The following ZNF793 variants were observed in gnomAD, a reference collection of about 807,000 sequenced individuals.
The protein encoded by ZNF793 is zinc finger protein 793.
Under a neutral mutation model 12.4 loss-of-function variants are expected in ZNF793, and 5 were observed. That is an observed-to-expected ratio of 0.40 (90% CI 0.21 to 0.84). The LOEUF (loss-of-function observed/expected upper bound fraction) is 0.84. Ranked by LOEUF, ZNF793 falls within the 40% of genes least tolerant of loss-of-function variation. The pLI is 0.35. For synonymous variants in ZNF793, 162 were observed against 172.4 expected, an observed-to-expected ratio of 0.94 and a Z score of 0.47; for missense variants, 456 against 495.0, an observed-to-expected ratio of 0.92 and a Z score of 0.75.
intron 5 of ZNF793, among the ~76,000 whole-genome samples, chr19:37,524,427 C>T (rs969254528): frequency 1.3e-5 from 2 of 151,986 alleles, no homozygotes; most frequent in African/African-American, 4.8e-5. Flanking sequence ...AATTTTCAGA[C>T]TTGATATTAC....
chr19:37,517,397 A>G (rs150213511), intron 2 of ZNF793, among the ~76,000 whole-genome samples: 12 of 150,728 alleles, frequency 8.0e-5, no homozygotes, highest in Non-Finnish European at 1.5e-4. Flanking sequence ...TAGAGGCTGC[A>G]GTGAGCTGAG....
At chr19:37,534,928 C>G (rs1716425319) in intron 7 of ZNF793, 1 of 152,384 alleles carries the variant, frequency 6.6e-6, no homozygotes, top group South Asian at 2.0e-4. Context: ...AAGCAGTCCA[C>G]CTGCTTTGGC....
At chr19:37,518,927 C>T (rs1443539932) in intron 2 of ZNF793, among the ~76,000 whole-genome samples, 1 of 152,096 alleles carries the variant, frequency 6.6e-6, no homozygotes, top group African/African-American at 2.4e-5. Context: ...TTCCTTGAGA[C>T]ACATTATTGG....
At chr19:37,525,799 G>A (rs898589078) in intron 5 of ZNF793, among the ~76,000 whole-genome samples, 9 of 152,204 alleles carry the variant, frequency 5.9e-5, no homozygotes, top group African/African-American at 2.2e-4. Flanking sequence ...CAAGGCAGCT[G>A]TAGCCTTGAT....
chr19:37,530,360 C>T (rs894725541), intron 5 of ZNF793, among the ~76,000 whole-genome samples: 3 of 152,138 alleles, frequency 2.0e-5, no homozygotes, highest in Non-Finnish European at 2.9e-5. Flanking sequence ...TTATGGGTGT[C>T]GGGCTGGGGG....
In ZNF793 at chr19:37,541,520, A is replaced by T. The variant is rs2042551887; in HGVS notation, c.*3641A>T. ...ATGGTGAAACCCCATCTCCACTAAA[A>T]ATACAAAAATTAGCTGGGTGTGGTG... On this transcript the variant is annotated 3_prime_UTR_variant, in exon 8 of 8. Transcript: ENST00000627814. The T allele has an allele frequency of 1.3e-5, 2 of 152,132 alleles. No individual in the cohort carries two copies. Among genetic ancestry groups the T allele is most frequent in the Admixed American group, 1.3e-4 (2 of 15,274 alleles). 9.4% of individuals were successfully genotyped at this position (152,132 alleles called of 1,614,324 possible).
chr19:37,506,677 G>A (rs1568782644), upstream of ZNF793: 1 of 152,240 alleles, frequency 6.6e-6, no homozygotes, highest in African/African-American at 2.4e-5. Flanking sequence ...TGAGTTAAGA[G>A]CAGAGACGAC....
In ZNF793 at chr19:37,540,715, C is replaced by T. The variant is rs2042546579; in HGVS notation, c.*2836C>T. The T allele has an allele frequency of 6.6e-6, 1 of 151,686 alleles. No homozygotes were observed. Among genetic ancestry groups the T allele is most frequent in the South Asian group, 2.1e-4 (1 of 4,806 alleles). The allele number at this position is 151,686 out of a possible 1,614,324, so 9.4% of individuals were successfully genotyped here. On this transcript the variant is annotated 3_prime_UTR_variant, in exon 8 of 8. Transcript: ENST00000627814. The stretch of plus-strand genomic sequence containing the variant: ...GAAAAGGTAAAACTATCCATTTTTA[C>T]TGATGATATGGTTGTACACCAATAA...
At chr19:37,525,539 C>T (rs898467274) in intron 5 of ZNF793, among the ~76,000 whole-genome samples, 1 of 150,440 alleles carries the variant, frequency 6.6e-6, no homozygotes, top group Admixed American at 6.7e-5. Context: ...CTGGTTCAAG[C>T]GATTCTCCTG....
chr19:37,531,558 C>G (rs1023253552), intron 5 of ZNF793, among the ~76,000 whole-genome samples: 4 of 152,194 alleles, frequency 2.6e-5, no homozygotes, highest in Admixed American at 1.3e-4. Context: ...CGTTTTGCCC[C>G]CCGGCCTTTG....
At chr19:37,517,771 C>A (rs554775009) in intron 2 of ZNF793, among the ~76,000 whole-genome samples, 1 of 150,788 alleles carries the variant, frequency 6.6e-6, no homozygotes, top group South Asian at 2.1e-4. Context: ...TTTTTTTTTT[C>A]TATTTCTATC....
chr19:37,518,115 CATT>C (rs544791122), intron 2 of ZNF793, among the ~76,000 whole-genome samples: 18 of 151,116 alleles, frequency 1.2e-4, no homozygotes, highest in Admixed American at 3.3e-4. Flanking sequence ...TACACCACTC[CATT>C]ATTATTATTA....
chr19:37,507,319 T>C (rs951902896), intron 1 of ZNF793: 3 of 152,490 alleles, frequency 2.0e-5, no homozygotes, highest in Non-Finnish European at 2.9e-5. Flanking sequence ...TCAGTAATAG[T>C]GGTCTTCATG....
chr19:37,533,339 C>T lies in ZNF793; in HGVS notation c.174C>T (p.Leu58=). 6.2e-7 allele frequency: 1 copy of T among 1,613,966 alleles called. No homozygotes were observed. The highest frequency in any genetic ancestry group is 8.5e-7 in the Non-Finnish European group (1 of 1,179,868). The part of the protein sequence containing the change: ...GYEGTKPDVI[L]RLEQEEAPWI... ...AAGGCACCAAACCAGATGTGATCCT[C>T]AGACTGGAGCAGGAAGAAGCACCAT... Residue 58 remains leucine, a synonymous_variant, in exon 7 of 8, where the codon CTC becomes CTT. Coordinates refer to ENST00000627814, the MANE Select transcript of ZNF793 (RefSeq NM_001013659.3).
chr19:37,517,760 G>T (rs536512891), intron 2 of ZNF793, among the ~76,000 whole-genome samples: 90 of 149,432 alleles, frequency 6.0e-4, no homozygotes, highest in African/African-American at 2.1e-3. Flanking sequence ...TACAAGCTAG[G>T]TTTTTTTTTT....
Position 37,532,498 on chromosome 19 carries a change from C to T in ZNF793, c.142+16C>T, listed in dbSNP as rs375012678. On this transcript the variant is annotated intron_variant, in intron 6 of 7. Coordinates refer to ENST00000627814, the MANE Select transcript of ZNF793 (RefSeq NM_001013659.3). Reference sequence around the variant, plus strand: ...GTCTCAGTGGGTAAGAACATCCTCACCATACAATGCAGATTATGTTCGAAT... The same window carrying T: ...GTCTCAGTGGGTAAGAACATCCTCATCATACAATGCAGATTATGTTCGAAT... 14 of 1,573,420 alleles carry T rather than the reference C, an allele frequency of 8.9e-6. No homozygotes were observed. The African/African-American group carries it at 1.6e-4, about 18-fold the overall frequency.
intron 2 of ZNF793, among the ~76,000 whole-genome samples, chr19:37,518,370 G>A (rs2042349368): frequency 6.6e-6 from 1 of 152,004 alleles, no homozygotes; most frequent in South Asian, 2.1e-4. Flanking sequence ...CAGTTGATCT[G>A]CCCGCCTTGG....
chr19:37,533,692 C>T, intron 7 of ZNF793: 1 of 490,428 alleles, frequency 2.0e-6, no homozygotes, highest in Non-Finnish European at 3.6e-6. Context: ...TTCCTGCTTC[C>T]TATTCTCTGT....
At chr19:37,515,495 A>C (rs1299562368) in intron 2 of ZNF793, among the ~76,000 whole-genome samples, 1 of 152,012 alleles carries the variant, frequency 6.6e-6, no homozygotes, top group Non-Finnish European at 1.5e-5. Flanking sequence ...TTTTTAGTAG[A>C]GACGGGGTTT....
Sources: allele counts gnomAD v4.1 joint callset (sites outside exome capture counted in the v4.1 genomes callset), GRCh38; gene constraint gnomAD v4.1.1; transcripts MANE v1.5; gene names NCBI Gene and HGNC (gene_info 2026-07-23, HGNC 2026-07-21).